Variants in CLINT1 observed in about 807,000 individuals in gnomAD.
The protein encoded by CLINT1 is clathrin interacting protein localized in the trans-Golgi region.
CLINT1 carries 15 observed loss-of-function variants against 70.4 expected under a neutral mutation model. The ratio of observed to expected loss-of-function variants is 0.21; its 90% CI spans 0.14 to 0.33. The LOEUF (loss-of-function observed/expected upper bound fraction) is 0.33. Among genes scored for constraint, CLINT1 ranks in the 10% least tolerant of loss-of-function variants. The pLI is 1.00. For synonymous variants in CLINT1, 227 were observed against 254.7 expected (o/e 0.89, Z 1.04); for missense variants, 615 against 778.1 (o/e 0.79, Z 2.49).
intron 1 of CLINT1, among the ~76,000 whole-genome samples, chr5:157,848,614 G>A (rs1291455378): frequency 6.8e-6 from 1 of 147,364 alleles, no homozygotes; most frequent in African/African-American, 2.5e-5. Flanking sequence ...AGTGATTCTC[G>A]TGCCTCAACC....
chr5:157,807,803 G>A (rs1286266100), intron 6 of CLINT1, among the ~76,000 whole-genome samples: 1 of 151,994 alleles, frequency 6.6e-6, no homozygotes, highest in East Asian at 1.9e-4. Flanking sequence ...AGGATAGAAG[G>A]GCAAAGGAGA....
chr5:157,851,357 T>C (rs1029569197), intron 1 of CLINT1, among the ~76,000 whole-genome samples: 1 of 152,118 alleles, frequency 6.6e-6, no homozygotes, highest in Non-Finnish European at 1.5e-5. Flanking sequence ...TTAAATACTG[T>C]CCTAAGAATT....
At chr5:157,851,266 A>G (rs1388022368) in intron 1 of CLINT1, among the ~76,000 whole-genome samples, 1 of 152,188 alleles carries the variant, frequency 6.6e-6, no homozygotes, top group Non-Finnish European at 1.5e-5. Flanking sequence ...GTTGTTGAAA[A>G]AGCACGCATG....
At chr5:157,846,785 A>G (rs1335223069) in intron 1 of CLINT1, among the ~76,000 whole-genome samples, 1 of 152,220 alleles carries the variant, frequency 6.6e-6, no homozygotes, top group Non-Finnish European at 1.5e-5. Flanking sequence ...CTCACTGCAC[A>G]TTATGAAAAT....
chr5:157,855,870 A>T (rs1753742167), intron 1 of CLINT1, among the ~76,000 whole-genome samples: 1 of 151,888 alleles, frequency 6.6e-6, no homozygotes, highest in African/African-American at 2.4e-5. Flanking sequence ...CAGAAGTGTA[A>T]GCTGCAGTGA....
At position 157,828,927 on chromosome 5, in the gene CLINT1, T is replaced by TAAA. The variant is rs11379662; in HGVS notation, c.42-11383_42-11381dup. 1.1e-3 allele frequency among the ~76,000 whole-genome samples: 110 copies of TAAA among 103,360 alleles called. 1 individual carries two copies. The highest frequency in any genetic ancestry group is 3.9e-3 in the African/African-American group (99 of 25,610). 67.8% of individuals were successfully genotyped at this position (103,360 alleles called of 152,430 possible). A position where few individuals can be genotyped will look rare whatever the true frequency, so the allele number is the denominator to read the frequency against. On this transcript the variant is annotated intron_variant, in intron 1 of 11. Transcript: ENST00000411809. ...AATATGGTGAAACTCTGTCTCTACTTAAAAAAAAAAAAAAAAAAAAAAAAA... is the reference window on the plus strand; with the variant it reads ...AATATGGTGAAACTCTGTCTCTACTTAAAAAAAAAAAAAAAAAAAAAAAAAAAA...
chr5:157,827,222 TA>T (rs1342020220), intron 1 of CLINT1, among the ~76,000 whole-genome samples: 1 of 152,108 alleles, frequency 6.6e-6, no homozygotes, highest in Admixed American at 6.5e-5. Context: ...GAATAATCAC[TA>T]AAGAAGTCAA....
At chr5:157,815,299 A>AAAAC (rs939517528) in intron 3 of CLINT1, among the ~76,000 whole-genome samples, 5 of 152,128 alleles carry the variant, frequency 3.3e-5, no homozygotes, top group African/African-American at 9.7e-5. Flanking sequence ...GACTGTCTTA[A>AAAAC]AAACAAACAA....
chr5:157,802,754 C>T (rs745534523), intron 8 of CLINT1, among the ~76,000 whole-genome samples: 3 of 152,230 alleles, frequency 2.0e-5, no homozygotes, highest in Middle Eastern at 6.8e-3. Context: ...CCATGTTGGC[C>T]AGGCTGGTCT....
At chr5:157,818,037 G>A (rs1156313676) in intron 1 of CLINT1, among the ~76,000 whole-genome samples, 2 of 152,082 alleles carry the variant, frequency 1.3e-5, no homozygotes, top group African/African-American at 4.8e-5. Context: ...CAGATGTTTA[G>A]AACCACTATA....
intron 4 of CLINT1, among the ~76,000 whole-genome samples, chr5:157,813,478 T>G (rs190199197): frequency 8.3e-4 from 127 of 152,314 alleles, no homozygotes; most frequent in Admixed American, 2.8e-3. Context: ...AATGGTACTA[T>G]GCAAGGTCAA....
chr5:157,856,614 G>A (rs530103144), intron 1 of CLINT1, among the ~76,000 whole-genome samples: 1 of 152,296 alleles, frequency 6.6e-6, no homozygotes, highest in South Asian at 2.1e-4. Context: ...CCACGGTTCT[G>A]TAAGATGCTT....
intron 1 of CLINT1, among the ~76,000 whole-genome samples, chr5:157,847,593 C>CT (rs926221700): frequency 6.6e-6 from 1 of 152,004 alleles, no homozygotes; most frequent in Non-Finnish European, 1.5e-5. Context: ...TCATGGATCA[C>CT]TTTGAGGGGT....
chr5:157,849,363 A>G (rs577825019), intron 1 of CLINT1, among the ~76,000 whole-genome samples: 6 of 152,298 alleles, frequency 3.9e-5, no homozygotes, highest in Admixed American at 2.0e-4. Flanking sequence ...TAGCAATAAG[A>G]TATTTTTAAA....
chr5:157,818,960 C>G (rs1196535816), intron 1 of CLINT1, among the ~76,000 whole-genome samples: 1 of 152,082 alleles, frequency 6.6e-6, no homozygotes, highest in Non-Finnish European at 1.5e-5. Context: ...TTCCACTTAG[C>G]ATTAAGTCTT....
chr5:157,809,897 T>C, intron 5 of CLINT1, 92 bp from the exon 6 acceptor site: 1 of 1,260,422 alleles, frequency 7.9e-7, no homozygotes, highest in Non-Finnish European at 1.1e-6. Context: ...TTCCTCATAA[T>C]AAAATCATTT....
Position 157,796,887 on chromosome 5 carries a change from C to CATATAT in CLINT1, c.1013-1921_1013-1916dup, listed in dbSNP as rs71665669. ...CCACAGATGCACATGCTCATACATA[C>CATATAT]ATATATATATATATATATATCTCCT... On this transcript the variant is annotated intron_variant, in intron 8 of 11. Coordinates refer to ENST00000411809, the MANE Select transcript of CLINT1 (RefSeq NM_014666.4). 2.5e-3 allele frequency among the ~76,000 whole-genome samples: 363 copies of CATATAT among 148,104 alleles called. 3 individuals carry two copies. Among genetic ancestry groups the CATATAT allele is most frequent in the Middle Eastern group, 3.6e-3 (1 of 280 alleles).
chr5:157,786,174 A>G lies in CLINT1; in HGVS notation c.*1472T>C, dbSNP rs927162907. ...AGAGTCTGATAGGAAAGAATAGAGA[A>G]GTCATTAAATAATTTTAAATTATTT... On this transcript the variant is annotated 3_prime_UTR_variant, in exon 12 of 12. Coordinates refer to ENST00000411809, the MANE Select transcript of CLINT1 (RefSeq NM_014666.4). 1 of 152,184 alleles carries G rather than the reference A, an allele frequency of 6.6e-6. No homozygotes were observed. The highest frequency in any genetic ancestry group is 2.4e-5 in the African/African-American group (1 of 41,456). The allele number at this position is 152,184 out of a possible 1,614,324, so 9.4% of individuals were successfully genotyped here.
intron 1 of CLINT1, among the ~76,000 whole-genome samples, chr5:157,827,165 A>G (rs1041680194): frequency 7.2e-5 from 11 of 152,184 alleles, no homozygotes; most frequent in African/African-American, 2.7e-4. Context: ...GCCACATAAA[A>G]TAATTATTTT....
Sources: gnomAD v4.1 joint callset for allele counts (sites outside exome capture counted in the v4.1 genomes callset) on GRCh38, gnomAD v4.1.1 for gene constraint, MANE v1.5 for transcripts, NCBI Gene and HGNC (gene_info 2026-07-23, HGNC 2026-07-21) for gene names.